Variants in ENPP3 observed in about 807,000 individuals in gnomAD.
ENPP3 encodes the protein ectonucleotide pyrophosphatase/phosphodiesterase 3, also known as ectonucleotide pyrophosphatase/phosphodiesterase family member 3.
ENPP3 carries 104 observed loss-of-function variants against 117.8 expected under a neutral mutation model. That is an observed-to-expected ratio of 0.88 (90% CI 0.75 to 1.04). The LOEUF is 1.04. Ranked by LOEUF, ENPP3 falls within the 50% of genes least tolerant of loss-of-function variation. ENPP3 has a pLI of 0.00. For missense variants in ENPP3, 1,026 were observed against 1,051.9 expected (o/e 0.98, Z 0.34); for synonymous variants, 380 against 349.9 (o/e 1.09, Z -0.96).
chr6:131,720,424 T>A, intron 17 of ENPP3, 45 bp downstream of exon 17: 1 of 972,938 alleles, frequency 1.0e-6, no homozygotes, highest in Non-Finnish European at 1.6e-6. Context: ...TGGATAGTTT[T>A]AAATATATGT....
intron 5 of ENPP3, among the ~76,000 whole-genome samples, chr6:131,655,495 C>T (rs1778366499): frequency 6.6e-6 from 1 of 152,170 alleles, no homozygotes; most frequent in Non-Finnish European, 1.5e-5. Context: ...AACACTCCCT[C>T]AAGTCATAGG....
At chr6:131,643,644 A>G (rs1256440476) in intron 2 of ENPP3, among the ~76,000 whole-genome samples, 2 of 152,064 alleles carry the variant, frequency 1.3e-5, no homozygotes, top group Admixed American at 6.6e-5. Context: ...CTCACCTTCC[A>G]TAGGCAATAT....
rs1470726888 is a variant in ENPP3 at position 131,727,362 on chromosome 6, C to T, written c.1953+1162C>T. Among the ~76,000 whole-genome samples, 5 of 152,194 alleles carry T rather than the reference C, an allele frequency of 3.3e-5. No individual in the cohort carries two copies. The East Asian group carries it at 9.7e-4, about 29-fold the overall frequency. On this transcript the variant is annotated intron_variant, in intron 20 of 24. Transcript: ENST00000357639. ...CCTGAGGTCAAGAGTTTGAGACTAGCTTGACCAACATGGTGAAACCTCATC... is the reference window on the plus strand; with the variant it reads ...CCTGAGGTCAAGAGTTTGAGACTAGTTTGACCAACATGGTGAAACCTCATC...
At chr6:131,707,213 T>C (rs1276065747) in intron 15 of ENPP3, among the ~76,000 whole-genome samples, 2 of 151,512 alleles carry the variant, frequency 1.3e-5, no homozygotes, top group African/African-American at 4.9e-5. Flanking sequence ...GTCTATTGTC[T>C]AATTTATGTG....
At chr6:131,706,472 G>GGA (rs1562463747) in intron 15 of ENPP3, among the ~76,000 whole-genome samples, 17 of 148,710 alleles carry the variant, frequency 1.1e-4, no homozygotes, top group African/African-American at 4.4e-4. Flanking sequence ...GCTCTTACCC[G>GGA]TGAAGTCCTT....
At chr6:131,723,831 A>G (rs57023100) in intron 18 of ENPP3, among the ~76,000 whole-genome samples, 1 of 85,246 alleles carries the variant, frequency 1.2e-5, no homozygotes, top group Non-Finnish European at 2.7e-5. Flanking sequence ...TCTCTCTCAC[A>G]CACACACACA....
chr6:131,660,173 G>A (rs761803581), intron 6 of ENPP3, among the ~76,000 whole-genome samples: 1 of 152,126 alleles, frequency 6.6e-6, no homozygotes. Flanking sequence ...ACCTGAGGCT[G>A]TTTTGAGGGA....
chr6:131,669,655 C>CAAA (rs67597128), intron 6 of ENPP3, among the ~76,000 whole-genome samples: 236 of 61,252 alleles, frequency 3.9e-3, no homozygotes, highest in East Asian at 5.8e-3. Flanking sequence ...GACTCCATCT[C>CAAA]AAAAAAAAAA....
In ENPP3 at chr6:131,685,450, G is replaced by GC. The variant is rs1779133135; in HGVS notation, c.1213dup (p.Arg405ProfsTer6). 6 of 1,613,768 alleles carry GC rather than the reference G, an allele frequency of 3.7e-6. No individual in the cohort carries two copies. The highest frequency in any genetic ancestry group is 1.6e-4 in the Middle Eastern group (1 of 6,084). On this transcript the variant is annotated frameshift_variant, in exon 13 of 25. Coordinates refer to ENST00000357639, the MANE Select transcript of ENPP3 (RefSeq NM_005021.5). LOFTEE classifies it high-confidence loss of function. ...CTTCTTCTACATGTACGAAGGGCCT[G>GC]CCCCCCGCATCCGAGCTCATAATAT...
intron 15 of ENPP3, among the ~76,000 whole-genome samples, chr6:131,696,406 C>T (rs1295540089): frequency 1.3e-5 from 2 of 152,050 alleles, no homozygotes; most frequent in African/African-American, 4.8e-5. Context: ...AATTACAGAC[C>T]CAGGTGTGAA....
rs761779910 is a variant in ENPP3, at chr6:131,701,443, G to A, written c.1412+7819G>A. ...AAATCAAGTTAATGCTCATGGTTTAGGAGAAGTGTTTAAAAACAGATTCAT... is the reference window on the plus strand; with the variant it reads ...AAATCAAGTTAATGCTCATGGTTTAAGAGAAGTGTTTAAAAACAGATTCAT... On this transcript the variant is annotated intron_variant, in intron 15 of 24. Transcript: ENST00000357639. The A allele has an allele frequency of 8.1e-6, 11 of 1,351,844 alleles. No homozygotes were observed. The Admixed American group carries it at 2.3e-4, about 29-fold the overall frequency. The allele number at this position is 1,351,844 out of a possible 1,614,324, so 83.7% of individuals were successfully genotyped here.
At chr6:131,686,353 A>G (rs892066151) in intron 14 of ENPP3, among the ~76,000 whole-genome samples, 1 of 152,212 alleles carries the variant, frequency 6.6e-6, no homozygotes, top group Non-Finnish European at 1.5e-5. Context: ...CCCAAATTGT[A>G]AGTAAATGAG....
In ENPP3 at chr6:131,650,052, T is replaced by C. The variant is rs756244317; in HGVS notation, c.180T>C (p.Asp60=). Residue 60 remains aspartate, a synonymous_variant, in exon 3 of 25, where the codon GAT becomes GAC. Transcript: ENST00000357639. ...KQGSCRKKCF[D]ASFRGLENCR... ...GCAGCTGCAGGAAGAAGTGCTTTGA[T>C]GCATCATTTAGAGGACTGGAGAACT... is the stretch of plus-strand genomic sequence containing the variant. The C allele has an allele frequency of 2.5e-6, 4 of 1,613,914 alleles. No homozygotes were observed. Among genetic ancestry groups the C allele is most frequent in the African/African-American group, 1.3e-5 (1 of 74,890 alleles).
At chr6:131,690,231 T>C (rs547541492) in intron 14 of ENPP3, among the ~76,000 whole-genome samples, 1 of 152,334 alleles carries the variant, frequency 6.6e-6, no homozygotes, top group Admixed American at 6.5e-5. Flanking sequence ...TAAAATGTTA[T>C]AAAACAGTTT....
intron 14 of ENPP3, among the ~76,000 whole-genome samples, chr6:131,691,446 G>A (rs906960491): frequency 1.3e-5 from 2 of 151,714 alleles, no homozygotes; most frequent in African/African-American, 2.4e-5. Flanking sequence ...AAAATTAGCC[G>A]GGCATGGTGG....
At chr6:131,685,984 T>C in intron 14 of ENPP3, 77 bp downstream of exon 14, 1 of 535,820 alleles carries the variant, frequency 1.9e-6, no homozygotes. Flanking sequence ...GAAATTCATA[T>C]TGTATATTTC....
In ENPP3 at chr6:131,683,076, T is replaced by C. The variant is rs375852688; in HGVS notation, c.1034T>C (p.Val345Ala). Residue 345 changes from valine (V) to alanine (A), a missense_variant, in exon 12 of 25, where the codon GTA (valine) becomes GCA (alanine). Val to Ala is a moderately conservative substitution (Grantham distance 64). Transcript: ENST00000357639. ...SARVIKALQV[V>A]DHAFGMLMEG... ...CAGGTAATTAAAGCCTTACAGGTAG[T>C]AGATCATGCTTTTGGGATGTTGATG... 23 of 1,608,258 alleles carry C rather than the reference T, an allele frequency of 1.4e-5. No individual in the cohort carries two copies. Among genetic ancestry groups the C allele is most frequent in the Non-Finnish European group, 1.9e-5 (22 of 1,174,914 alleles).
chr6:131,740,524 T>C (rs932518319), intron 24 of ENPP3, 144 bp downstream of exon 24: 1 of 528,858 alleles, frequency 1.9e-6, no homozygotes, highest in African/African-American at 1.9e-5. Flanking sequence ...TTTTTAGGCT[T>C]TTCCTTAGGC....
intron 15 of ENPP3, chr6:131,710,145 A>T (rs1466573622): frequency 6.2e-7 from 1 of 1,613,910 alleles, no homozygotes; most frequent in Admixed American, 1.7e-5. Context: ...ATTCCAGGTT[A>T]TCATCATCCG....
Sources: allele counts gnomAD v4.1 joint callset (sites outside exome capture counted in the v4.1 genomes callset), GRCh38; gene constraint gnomAD v4.1.1; transcripts MANE v1.5; gene names NCBI Gene and HGNC (gene_info 2026-07-23, HGNC 2026-07-21).